Variants in MPZL1 observed in about 807,000 individuals in gnomAD.
MPZL1 encodes myelin protein zero like 1.
Under a neutral mutation model 29.3 loss-of-function variants are expected in MPZL1, and 16 were observed. The ratio of observed to expected loss-of-function variants is 0.55; its 90% CI spans 0.37 to 0.83. The LOEUF is 0.83. Among genes scored for constraint, MPZL1 ranks in the 40% least tolerant of loss-of-function variants. MPZL1 has a pLI of 0.00. For missense variants in MPZL1, 279 were observed against 332.9 expected (o/e 0.84, Z 1.26); for synonymous variants, 143 against 132.0 (o/e 1.08, Z -0.57).
At chr1:167,728,361 TC>T (rs1660196539) in intron 1 of MPZL1, among the ~76,000 whole-genome samples, 1 of 126,628 alleles carries the variant, frequency 7.9e-6, no homozygotes, top group African/African-American at 3.6e-5. Context: ...TTTCTTTCTT[TC>T]TTTTTTTTTT....
chr1:167,729,597 G>A (rs973579650), intron 1 of MPZL1, among the ~76,000 whole-genome samples: 2 of 152,180 alleles, frequency 1.3e-5, no homozygotes, highest in African/African-American at 4.8e-5. Context: ...GTTCCTAAGA[G>A]AAATGTGGTA....
chr1:167,733,409 G>A (rs1399885026), intron 1 of MPZL1, among the ~76,000 whole-genome samples: 1 of 152,178 alleles, frequency 6.6e-6, no homozygotes, highest in Non-Finnish European at 1.5e-5. Context: ...AAAATGCTGG[G>A]ACTCCCCTCA....
At chr1:167,743,509 G>A (rs545119365) in intron 1 of MPZL1, among the ~76,000 whole-genome samples, 5 of 150,726 alleles carry the variant, frequency 3.3e-5, no homozygotes, top group South Asian at 2.1e-4. Context: ...CCTGGCCTTC[G>A]CAATATTAAT....
intron 1 of MPZL1, among the ~76,000 whole-genome samples, chr1:167,751,400 TG>T (rs1226462402): frequency 1.3e-5 from 2 of 152,196 alleles, no homozygotes; most frequent in East Asian, 3.8e-4. Flanking sequence ...CCGGGCGCGG[TG>T]GCTCACGTCT....
At chr1:167,739,280 T>TAC (rs199945886) in intron 1 of MPZL1, among the ~76,000 whole-genome samples, 2 of 92,522 alleles carry the variant, frequency 2.2e-5, no homozygotes, top group South Asian at 3.2e-4. Flanking sequence ...TATACATATA[T>TAC]ACATATATAT....
rs143448673 is a variant in MPZL1, at chr1:167,765,704, A to G, written c.213A>G (p.Ser71=). ...CTAGTACGACTGGCGGGTTGACCTC[A>G]GTCTCCTGGAGCTTCCAGCCAGAGG... ...KSTSTTGGLT[S]VSWSFQPEGA... Residue 71 remains serine, a synonymous_variant, in exon 2 of 6, where the codon TCA becomes TCG. Coordinates refer to ENST00000359523, the MANE Select transcript of MPZL1 (RefSeq NM_003953.6). 1.2e-5 allele frequency: 19 copies of G among 1,612,222 alleles called. No individual in the cohort carries two copies. The African/African-American group carries it at 1.9e-4, about 16-fold the overall frequency.
chr1:167,771,125 G>C (rs1227331857), intron 2 of MPZL1, among the ~76,000 whole-genome samples: 2 of 151,972 alleles, frequency 1.3e-5, no homozygotes, highest in Non-Finnish European at 2.9e-5. Context: ...GTTTTCCTAG[G>C]CAGAGGTCCC....
intron 2 of MPZL1, among the ~76,000 whole-genome samples, chr1:167,768,957 A>C (rs1661183266): frequency 6.6e-6 from 1 of 152,222 alleles, no homozygotes; most frequent in Non-Finnish European, 1.5e-5. Context: ...CTAGTGAAGA[A>C]GAGAGAGTGA....
At chr1:167,748,428 A>G (rs1490790425) in intron 1 of MPZL1, among the ~76,000 whole-genome samples, 2 of 152,124 alleles carry the variant, frequency 1.3e-5, no homozygotes, top group African/African-American at 4.8e-5. Context: ...CTTATTGGCT[A>G]TGTATGTCTT....
chr1:167,763,873 A>G (rs543552693), intron 1 of MPZL1, among the ~76,000 whole-genome samples: 1 of 152,230 alleles, frequency 6.6e-6, no homozygotes, highest in African/African-American at 2.4e-5. Flanking sequence ...AATCTGCTTG[A>G]TGCAGTATGG....
At chr1:167,726,590 G>A (rs1391412374) in intron 1 of MPZL1, among the ~76,000 whole-genome samples, 1 of 152,136 alleles carries the variant, frequency 6.6e-6, no homozygotes, top group Non-Finnish European at 1.5e-5. Flanking sequence ...TATGCAAGAA[G>A]AATATTTTTC....
chr1:167,733,368 G>T (rs934285688), intron 1 of MPZL1, among the ~76,000 whole-genome samples: 5 of 152,138 alleles, frequency 3.3e-5, no homozygotes, highest in African/African-American at 1.2e-4. Flanking sequence ...TAAGTTCTAG[G>T]CTATAGATAA....
At chr1:167,779,781 T>A (rs1661453640) in intron 5 of MPZL1, among the ~76,000 whole-genome samples, 1 of 152,154 alleles carries the variant, frequency 6.6e-6, no homozygotes, top group African/African-American at 2.4e-5. Flanking sequence ...AGATATATGC[T>A]GCAAATTCTA....
At chr1:167,749,796 G>C (rs566049255) in intron 1 of MPZL1, among the ~76,000 whole-genome samples, 2 of 152,326 alleles carry the variant, frequency 1.3e-5, no homozygotes, top group East Asian at 3.9e-4. Flanking sequence ...GAGTTTTCAA[G>C]CCTATAGTAG....
chr1:167,723,370 A>C (rs1219177306), intron 1 of MPZL1, among the ~76,000 whole-genome samples: 1 of 152,240 alleles, frequency 6.6e-6, no homozygotes, highest in African/African-American at 2.4e-5. Flanking sequence ...TTCCACTTAA[A>C]CAGTGATTCC....
intron 2 of MPZL1, among the ~76,000 whole-genome samples, chr1:167,767,202 C>A (rs1480979185): frequency 6.6e-6 from 1 of 152,192 alleles, no homozygotes; most frequent in Admixed American, 6.5e-5. Flanking sequence ...CATACAGATA[C>A]CATGGAAAGA....
At chr1:167,727,872 C>CTTTTT (rs748327482) in intron 1 of MPZL1, among the ~76,000 whole-genome samples, 5,343 of 137,628 alleles carry the variant, frequency 0.039, 385 homozygotes, top group African/African-American at 0.14. Flanking sequence ...CTTTCTTTTC[C>CTTTTT]TTTTTTTTTT....
intron 4 of MPZL1, 47 bp from the exon 5 acceptor site, chr1:167,776,014 TTTA>T (rs763390772): frequency 4.9e-5 from 61 of 1,251,136 alleles, no homozygotes; most frequent in Non-Finnish European, 6.1e-5. Context: ...TTTCTATTTA[TTTA>T]TTATTATTAT....
intron 1 of MPZL1, among the ~76,000 whole-genome samples, chr1:167,729,034 G>A (rs905892805): frequency 1.3e-5 from 2 of 152,074 alleles, no homozygotes; most frequent in Non-Finnish European, 2.9e-5. Flanking sequence ...GAGAGGCTGA[G>A]GCGGGTGGAT....
Sources: allele counts gnomAD v4.1 joint callset (sites outside exome capture counted in the v4.1 genomes callset), GRCh38; gene constraint gnomAD v4.1.1; transcripts MANE v1.5; gene names NCBI Gene and HGNC (gene_info 2026-07-23, HGNC 2026-07-21).